Variants in TULP4 observed in about 807,000 individuals in gnomAD.
TULP4 encodes TUB like protein 4.
Under a neutral mutation model 129.0 loss-of-function variants are expected in TULP4, and 16 were observed. The ratio of observed to expected loss-of-function variants is 0.12; its 90% CI spans 0.08 to 0.19. TULP4 has a LOEUF of 0.19. Among genes scored for constraint, TULP4 ranks in the 10% least tolerant of loss-of-function variants. The pLI, the probability that TULP4 is intolerant of heterozygous loss-of-function variation, is 1.00. For missense variants in TULP4, 1,842 were observed against 2,059.1 expected, an observed-to-expected ratio of 0.89 and a Z score of 2.04; for synonymous variants, 998 against 854.0, an observed-to-expected ratio of 1.17 and a Z score of -2.94.
chr6:158,501,596 T>C, intron 12 of TULP4, 82 bp from the exon 13 acceptor site: 1 of 1,345,980 alleles, frequency 7.4e-7, no homozygotes, highest in Non-Finnish European at 1.0e-6. Context: ...GGAGACTGGA[T>C]GAGTCCAGAC....
intron 1 of TULP4, among the ~76,000 whole-genome samples, chr6:158,361,184 G>T (rs1015053294): frequency 2.0e-5 from 3 of 152,160 alleles, no homozygotes; most frequent in Non-Finnish European, 4.4e-5. Context: ...ACTTCCATCT[G>T]TCCAGTCCTT....
At chr6:158,347,177 G>A (rs1248849991) in intron 1 of TULP4, among the ~76,000 whole-genome samples, 1 of 152,116 alleles carries the variant, frequency 6.6e-6, no homozygotes, top group Non-Finnish European at 1.5e-5. Context: ...AATTATTAAT[G>A]AAAGATTATC....
At chr6:158,263,306 A>G (rs56197409) in intron 1 of TULP4, among the ~76,000 whole-genome samples, 26,275 of 152,162 alleles carry the variant, frequency 0.17, 2,706 homozygotes, top group Middle Eastern at 0.24. Flanking sequence ...TCTCCTAAGA[A>G]CTAGACACTC....
At chr6:158,382,393 C>T (rs1777347643) in intron 1 of TULP4, among the ~76,000 whole-genome samples, 1 of 152,176 alleles carries the variant, frequency 6.6e-6, no homozygotes, top group South Asian at 2.1e-4. Context: ...GTAATTGCTT[C>T]ATAATTGAGC....
intron 3 of TULP4, among the ~76,000 whole-genome samples, chr6:158,447,644 C>T (rs765617472): frequency 6.6e-6 from 1 of 152,072 alleles, no homozygotes; most frequent in Non-Finnish European, 1.5e-5. Flanking sequence ...TGTTAGGTGC[C>T]ACATAGCTAT....
At chr6:158,266,365 T>C (rs532381136) in intron 1 of TULP4, among the ~76,000 whole-genome samples, 7 of 152,338 alleles carry the variant, frequency 4.6e-5, no homozygotes, top group African/African-American at 1.4e-4. Flanking sequence ...CCAGCGAATC[T>C]CATGCCTCAG....
intron 6 of TULP4, among the ~76,000 whole-genome samples, chr6:158,474,137 G>C (rs1052246741): frequency 2.0e-5 from 3 of 152,256 alleles, no homozygotes; most frequent in African/African-American, 7.2e-5. Flanking sequence ...CTGTTTTAAA[G>C]TGAACTATTT....
At chr6:158,431,980 A>G (rs764342476) in intron 3 of TULP4, among the ~76,000 whole-genome samples, 103 of 151,846 alleles carry the variant, frequency 6.8e-4, no homozygotes, top group Non-Finnish European at 1.4e-3. Context: ...CTTTAAATAA[A>G]ATGGTTGCAG....
intron 1 of TULP4, among the ~76,000 whole-genome samples, chr6:158,371,762 G>A (rs1777074851): frequency 6.6e-6 from 1 of 152,172 alleles, no homozygotes; most frequent in Admixed American, 6.5e-5. Flanking sequence ...CAGAGTAGAG[G>A]CCATTTGAAA....
intron 1 of TULP4, among the ~76,000 whole-genome samples, chr6:158,363,275 A>G (rs1455063191): frequency 6.6e-6 from 1 of 152,116 alleles, no homozygotes; most frequent in Admixed American, 6.5e-5. Context: ...CCAGATGTGG[A>G]GGTTGAGATG....
intron 1 of TULP4, among the ~76,000 whole-genome samples, chr6:158,385,252 A>G (rs1163838984): frequency 6.6e-6 from 1 of 152,230 alleles, no homozygotes; most frequent in Non-Finnish European, 1.5e-5. Context: ...ATAACAGTTT[A>G]TTACAAGTAA....
chr6:158,397,049 G>T (rs963294937), intron 1 of TULP4, among the ~76,000 whole-genome samples: 2 of 152,182 alleles, frequency 1.3e-5, no homozygotes, highest in African/African-American at 4.8e-5. Flanking sequence ...CAATAGTAAG[G>T]TGAATTTTAG....
chr6:158,241,697 C>T (rs1444985912), intron 1 of TULP4, among the ~76,000 whole-genome samples: 1 of 152,140 alleles, frequency 6.6e-6, no homozygotes, highest in African/African-American at 2.4e-5. Context: ...CTGGTTCAAG[C>T]GATTCTTCTG....
At chr6:158,398,668 A>C (rs1484022426) in intron 1 of TULP4, 1 of 152,268 alleles carries the variant, frequency 6.6e-6, no homozygotes, top group African/African-American at 2.4e-5. Context: ...AGGAGACAGC[A>C]GCTTAGTATA....
At chr6:158,494,707 C>G in intron 10 of TULP4, 46 bp from the exon 11 acceptor site, 1 of 1,549,148 alleles carries the variant, frequency 6.5e-7, no homozygotes, top group East Asian at 2.3e-5. Context: ...GTTGAAAATA[C>G]GGAAATAGAT....
At chr6:158,303,686 A>G (rs972840997) in intron 1 of TULP4, among the ~76,000 whole-genome samples, 5 of 152,062 alleles carry the variant, frequency 3.3e-5, no homozygotes, top group African/African-American at 1.2e-4. Context: ...CCTTATATCT[A>G]CCTCCCCTTG....
intron 2 of TULP4, among the ~76,000 whole-genome samples, chr6:158,422,675 C>T (rs1778373606): frequency 6.6e-6 from 1 of 152,180 alleles, no homozygotes; most frequent in South Asian, 2.1e-4. Flanking sequence ...AGGAGGTCCC[C>T]AAGTGCGGTG....
chr6:158,380,969 GA>G (rs1444775800), intron 1 of TULP4, among the ~76,000 whole-genome samples: 1 of 150,472 alleles, frequency 6.6e-6, no homozygotes, highest in African/African-American at 2.4e-5. Flanking sequence ...CTCTTGTCCT[GA>G]CACGGACAGT....
At chr6:158,454,081 A>G (rs1779237000) in intron 5 of TULP4, among the ~76,000 whole-genome samples, 1 of 143,874 alleles carries the variant, frequency 7.0e-6, no homozygotes, top group Admixed American at 7.0e-5. Flanking sequence ...AACATATTAC[A>G]TACCCTCTTT....
Sources: gnomAD v4.1 joint callset for allele counts (sites outside exome capture counted in the v4.1 genomes callset) on GRCh38, gnomAD v4.1.1 for gene constraint, MANE v1.5 for transcripts, NCBI Gene and HGNC (gene_info 2026-07-23, HGNC 2026-07-21) for gene names.